Variants in CES5A observed in about 807,000 individuals in gnomAD.
The protein encoded by CES5A is carboxylesterase 5.
A neutral mutation model predicts 62.9 loss-of-function variants in CES5A; 67 were observed. That is an observed-to-expected ratio of 1.07 (90% CI 0.88 to 1.31). The LOEUF (loss-of-function observed/expected upper bound fraction) is 1.31. CES5A is among the 50% of genes most tolerant of loss of function. CES5A has a pLI of 0.00. For missense variants in CES5A, 748 were observed against 708.5 expected (o/e 1.06, Z -0.63); for synonymous variants, 296 against 280.8 (o/e 1.05, Z -0.54).
At chr16:55,902,625 T>C (rs1446124379) in intron 1 of CES5A, among the ~76,000 whole-genome samples, 3 of 152,338 alleles carry the variant, frequency 2.0e-5, no homozygotes, top group South Asian at 2.1e-4. Context: ...GATGGAGTAG[T>C]TATTCACGGC....
intron 2 of CES5A, chr16:55,871,969 T>C: frequency 1.9e-6 from 1 of 528,272 alleles, no homozygotes; most frequent in Non-Finnish European, 3.4e-6. Context: ...ATTGATCTGG[T>C]TCCTGGGTAG....
intron 2 of CES5A, among the ~76,000 whole-genome samples, chr16:55,942,589 T>G (rs1010917476): frequency 6.6e-6 from 1 of 152,188 alleles, no homozygotes; most frequent in African/African-American, 2.4e-5. Flanking sequence ...CTGTTGGGAA[T>G]GTAAAATGGT....
chr16:55,871,319 GA>G (rs1274636766), intron 3 of CES5A, among the ~76,000 whole-genome samples: 1 of 152,062 alleles, frequency 6.6e-6, no homozygotes, highest in African/African-American at 2.4e-5. Context: ...TCAAATTTAA[GA>G]AAAAAGTCAG....
chr16:55,943,638 C>G (rs1363604851), intron 2 of CES5A, among the ~76,000 whole-genome samples: 1 of 152,250 alleles, frequency 6.6e-6, no homozygotes, highest in Non-Finnish European at 1.5e-5. Context: ...CCAGTAGCTT[C>G]TCTTTTCCTT....
At chr16:55,929,733 G>T (rs550371392), upstream of CES5A, among the ~76,000 whole-genome samples, 26 of 152,196 alleles carry the variant, frequency 1.7e-4, no homozygotes, top group Admixed American at 1.6e-3. Flanking sequence ...AAGTGAGGTC[G>T]AATCATGAAA....
chr16:55,926,835 C>T (rs1436117512), upstream of CES5A, among the ~76,000 whole-genome samples: 3 of 152,312 alleles, frequency 2.0e-5, no homozygotes, highest in East Asian at 5.8e-4. Flanking sequence ...GTTGCTAAGA[C>T]CTTTGCTCTT....
At chr16:55,875,077 T>A (rs2033669470) in intron 1 of CES5A, 72 bp downstream of exon 1, 1 of 1,448,482 alleles carries the variant, frequency 6.9e-7, no homozygotes, top group Non-Finnish European at 9.7e-7. Flanking sequence ...AAGAATAACT[T>A]CATTTCTACC....
rs574113658 is a variant in CES5A, at chr16:55,888,704, T to C, written c.-255-14667A>G. Among the ~76,000 whole-genome samples the C allele has an allele frequency of 1.2e-3, 185 of 152,378 alleles. 2 individuals carry two copies. Among genetic ancestry groups the C allele is most frequent in the African/African-American group, 4.3e-3 (179 of 41,594 alleles). ...GTGTCAGTCACTGTGCTAAGCACTT[T>C]GCAAGCATGTCACATTGAATCTTCA... is the stretch of plus-strand genomic sequence containing the variant. On this transcript the variant is annotated intron_variant, in intron 1 of 12. Transcript: ENST00000518005.
chr16:55,894,601 G>T (rs532006656), intron 1 of CES5A, among the ~76,000 whole-genome samples: 1 of 152,016 alleles, frequency 6.6e-6, no homozygotes, highest in African/African-American at 2.4e-5. Flanking sequence ...GAACTCCAAG[G>T]CCCCATTTCT....
chr16:55,869,950 G>A (rs553173779), intron 3 of CES5A, among the ~76,000 whole-genome samples: 1 of 152,358 alleles, frequency 6.6e-6, no homozygotes, highest in Admixed American at 6.5e-5. Context: ...CTCTGCCACT[G>A]ACTAGCTGTG....
intron 1 of CES5A, among the ~76,000 whole-genome samples, chr16:55,889,796 C>G (rs1269707012): frequency 6.6e-6 from 1 of 152,182 alleles, no homozygotes; most frequent in African/African-American, 2.4e-5. Context: ...CAGCTCCCAT[C>G]CTCTGGCTAT....
chr16:55,846,285 T>A lies in CES5A; in HGVS notation c.*166A>T. ...CAAGACAAATTGCACTTTTTGATGTTGAAAAGAATTCTGTAAGGATCATTC... is the reference window on the plus strand; with the variant it reads ...CAAGACAAATTGCACTTTTTGATGTAGAAAAGAATTCTGTAAGGATCATTC... On this transcript the variant is annotated 3_prime_UTR_variant, in exon 13 of 13. Transcript: ENST00000290567. 1 of 620,032 alleles carries A rather than the reference T, an allele frequency of 1.6e-6. No homozygotes were observed. Among genetic ancestry groups the A allele is most frequent in the South Asian group, 2.1e-5 (1 of 48,044 alleles). 38.4% of individuals were successfully genotyped at this position (620,032 alleles called of 1,614,324 possible). A position where few individuals can be genotyped will look rare whatever the true frequency, so the allele number is the denominator to read the frequency against.
chr16:55,861,429 G>T lies in CES5A; in HGVS notation c.898C>A (p.Leu300Met). ...GTCCTCACCTGGCTGAGGGTCAGCAGCTCCTTGGAGGGTTTTGTCCTCAGG... is the reference window on the plus strand; with the variant it reads ...GTCCTCACCTGGCTGAGGGTCAGCATCTCCTTGGAGGGTTTTGTCCTCAGG... Reference protein sequence around the residue: ...RCLRTKPSKELLTLSQKTKSF... With the variant: ...RCLRTKPSKEMLTLSQKTKSF... Residue 300 changes from leucine to methionine, a missense_variant, in exon 7 of 13, where the codon CTG (leucine) becomes ATG (methionine). Leu to Met is a conservative substitution (Grantham distance 15). Coordinates refer to ENST00000290567, the MANE Select transcript of CES5A (RefSeq NM_001143685.2). The T allele has an allele frequency of 6.2e-7, 1 of 1,612,684 alleles. No individual in the cohort carries two copies. Among genetic ancestry groups the T allele is most frequent in the Non-Finnish European group, 8.5e-7 (1 of 1,178,742 alleles).
intron 1 of CES5A, among the ~76,000 whole-genome samples, chr16:55,894,865 G>C (rs761139758): frequency 3.3e-5 from 5 of 151,878 alleles, no homozygotes; most frequent in Non-Finnish European, 7.4e-5. Context: ...GATCCCAGTG[G>C]AAAAAAGAGT....
At chr16:55,872,666 T>C (rs939300739) in intron 2 of CES5A, among the ~76,000 whole-genome samples, 24 of 152,086 alleles carry the variant, frequency 1.6e-4, no homozygotes, top group Non-Finnish European at 2.9e-5. Flanking sequence ...TCCTGACAGG[T>C]GTTTATGCCT....
At chr16:55,861,301 TC>T (rs2033345337) in intron 7 of CES5A, 110 bp downstream of exon 7, 1 of 662,216 alleles carries the variant, frequency 1.5e-6, no homozygotes, top group Non-Finnish European at 2.7e-6. Context: ...AGTACCTCAA[TC>T]CTCCTCTTTT....
At position 55,946,998 on chromosome 16, in the gene CES5A, A is replaced by T. The variant is rs113381022; in HGVS notation, c.160+2787T>A. The stretch of plus-strand genomic sequence containing the variant: ...ACCAGAGCAAAGGGCAATGACATAC[A>T]ATCTGCCCAATGTGAGGCCAAAGCA... On this transcript the variant is annotated intron_variant, in intron 2 of 13. Coordinates refer to the CES5A transcript ENST00000521992. 8.1e-3 allele frequency among the ~76,000 whole-genome samples: 1,233 copies of T among 152,294 alleles called. 15 individuals carry two copies. Among genetic ancestry groups the T allele is most frequent in the African/African-American group, 0.024 (999 of 41,560 alleles).
intron 1 of CES5A, 31 bp from the exon 2 acceptor site, chr16:55,874,068 A>G: frequency 6.4e-7 from 1 of 1,564,178 alleles, no homozygotes; most frequent in South Asian, 1.2e-5. Flanking sequence ...AATCAGGAGC[A>G]GGCTGGGGAC....
chr16:55,870,129 T>C (rs1247552016), intron 3 of CES5A, among the ~76,000 whole-genome samples: 7 of 152,172 alleles, frequency 4.6e-5, no homozygotes, highest in Non-Finnish European at 1.0e-4. Context: ...TGCTCAGAAA[T>C]TGTTCACTAA....
Sources: allele counts gnomAD v4.1 joint callset (sites outside exome capture counted in the v4.1 genomes callset), GRCh38; gene constraint gnomAD v4.1.1; transcripts MANE v1.5; gene names NCBI Gene and HGNC (gene_info 2026-07-23, HGNC 2026-07-21).